Variants in TTC34 observed in about 807,000 individuals in gnomAD.
TTC34 encodes tetratricopeptide repeat domain 34, also known as tetratricopeptide repeat protein 34.
A neutral mutation model predicts 40.7 loss-of-function variants in TTC34; 44 were observed. The observed-to-expected ratio is 1.08, with a 90% confidence interval of 0.85 to 1.39. TTC34 has a LOEUF of 1.39. Among genes scored for constraint, TTC34 ranks in the 40% most tolerant of loss-of-function variants. The probability of loss-of-function intolerance (pLI) is 0.00; values close to 1 mark genes in which losing one functional copy is unlikely to be tolerated. For missense variants in TTC34, 884 were observed against 838.0 expected, an observed-to-expected ratio of 1.05 and a Z score of -0.68; for synonymous variants, 422 against 398.6, an observed-to-expected ratio of 1.06 and a Z score of -0.70.
chr1:2,790,221 G>C, exon 3 of TTC34: 1 of 398,418 alleles, frequency 2.5e-6, no homozygotes, highest in East Asian at 3.6e-5. Flanking sequence ...GCCTGGAACT[G>C]CCTCCGCGCC....
At chr1:2,686,653 C>A (rs1317773108) in intron 6 of TTC34, among the ~76,000 whole-genome samples, 10 of 139,694 alleles carry the variant, frequency 7.2e-5, no homozygotes, top group South Asian at 2.3e-4. Flanking sequence ...CCCAGGTGAG[C>A]ATCTGACAGC....
At chr1:2,660,808 G>A (rs1216814266) in intron 6 of TTC34, among the ~76,000 whole-genome samples, 1 of 127,086 alleles carries the variant, frequency 7.9e-6, no homozygotes, top group Non-Finnish European at 1.6e-5. Context: ...GTGAGCATCT[G>A]ACAGCCTGGA....
intron 6 of TTC34, among the ~76,000 whole-genome samples, chr1:2,651,951 C>G (rs552732541): frequency 5.9e-5 from 9 of 152,192 alleles, no homozygotes; most frequent in African/African-American, 1.9e-4. Context: ...CAGCCTGAAG[C>G]AGCACCTTCC....
At chr1:2,651,429 C>A (rs1040497581) in intron 6 of TTC34, among the ~76,000 whole-genome samples, 1 of 151,998 alleles carries the variant, frequency 6.6e-6, no homozygotes, top group Admixed American at 6.5e-5. Flanking sequence ...CGAAACACAA[C>A]CCCACACACG....
At chr1:2,653,191 G>A (rs71518241) in intron 6 of TTC34, among the ~76,000 whole-genome samples, 1 of 152,036 alleles carries the variant, frequency 6.6e-6, no homozygotes, top group Admixed American at 6.5e-5. Context: ...CTGACAGCCT[G>A]GAACAGAACC....
At chr1:2,798,865 C>G (rs1643740675) in intron 2 of TTC34, among the ~76,000 whole-genome samples, 2 of 130,504 alleles carry the variant, frequency 1.5e-5, no homozygotes, top group Non-Finnish European at 3.2e-5. Flanking sequence ...CTCCCAGCCT[C>G]TCAGCCTCCA....
intron 6 of TTC34, among the ~76,000 whole-genome samples, chr1:2,687,898 C>A (rs1046640945): frequency 9.9e-5 from 15 of 151,652 alleles, no homozygotes; most frequent in African/African-American, 3.7e-4. Context: ...CCCAGGTGAG[C>A]ATCTGACAGA....
intron 1 of TTC34, among the ~76,000 whole-genome samples, 156 bp from the exon 2 acceptor site, chr1:2,801,024 G>A (rs1470288327): frequency 2.5e-4 from 38 of 152,160 alleles, no homozygotes; most frequent in Admixed American, 2.5e-3. Context: ...TCCTGGGCTG[G>A]TGGGGTGGGG....
In TTC34 at chr1:2,789,497, C is replaced by A. The variant is rs1014618452; in HGVS notation, c.1628+6G>T. On this transcript the variant is annotated splice_donor_region_variant and intron_variant, in intron 3 of 8. Coordinates refer to ENST00000401095, the Ensembl canonical transcript of TTC34. ...GCGGCCCCAGCGTGCCCGGGCGGGTCCTCACCCCTCCTGCGTGGTGGGGCC... is the reference window on the plus strand; with the variant it reads ...GCGGCCCCAGCGTGCCCGGGCGGGTACTCACCCCTCCTGCGTGGTGGGGCC... 5 of 1,507,118 alleles carry A rather than the reference C, an allele frequency of 3.3e-6. No individual in the cohort carries two copies. In the African/African-American group the frequency reaches 7.1e-5, roughly 21 times the overall value. 93.4% of individuals were successfully genotyped at this position (1,507,118 alleles called of 1,614,324 possible). A position where few individuals can be genotyped will look rare whatever the true frequency, so the allele number is the denominator to read the frequency against.
chr1:2,768,277 A>C (rs1435017859), intron 6 of TTC34, among the ~76,000 whole-genome samples: 3 of 152,066 alleles, frequency 2.0e-5, no homozygotes, highest in Non-Finnish European at 4.4e-5. Context: ...CTGGGGATGG[A>C]AGGTGCCATT....
rs1277463278 is a variant in TTC34 at position 2,749,941 on chromosome 1, G to C, written c.2226+33668C>G. Among the ~76,000 whole-genome samples, 44 of 82,760 alleles carry C rather than the reference G, an allele frequency of 5.3e-4. 5 individuals carry two copies. Among genetic ancestry groups the C allele is most frequent in the Middle Eastern group, 0.011 (1 of 90 alleles). The allele number at this position is 82,760 out of a possible 152,430, so 54.3% of individuals were successfully genotyped here. Reference sequence around the variant, plus strand: ...CACCCACAACCCCAGGCGAGCATCTGACGGCCTGGAACAGCACACACACCG... The same window carrying C: ...CACCCACAACCCCAGGCGAGCATCTCACGGCCTGGAACAGCACACACACCG... On this transcript the variant is annotated intron_variant, in intron 6 of 8. Transcript: ENST00000401095.
chr1:2,677,646 C>CT (rs1639958690), intron 6 of TTC34, among the ~76,000 whole-genome samples: 5 of 17,892 alleles, frequency 2.8e-4, no homozygotes, highest in Non-Finnish European at 5.0e-4. Context: ...GAACAGCACA[C>CT]ACACCCCCAG....
rs1029663690 is a variant in TTC34, at chr1:2,645,793, T to C, written c.2227-230A>G. On this transcript the variant is annotated intron_variant, in intron 6 of 8. Transcript: ENST00000401095. This position sits in a 1 kb window ranked among gnomAD's most constrained non-coding sequence, Gnocchi z 4.7. ...TTTGAGGGGACTCAGCTCACTGACC[T>C]TGACTCTGAAAGTTGTCAGGCTCAG... Among the ~76,000 whole-genome samples, 2 of 152,180 alleles carry C rather than the reference T, an allele frequency of 1.3e-5. No homozygotes were observed. Among genetic ancestry groups the C allele is most frequent in the African/African-American group, 4.8e-5 (2 of 41,438 alleles).
rs371840689 is a variant in TTC34 at position 2,781,430 on chromosome 1, T to G, written c.2226+2179A>C. ...ATTTATTAGTTCTAACAATTTTTTTTTGTGTGTGGAATCTTTAGGGATTTC... is the reference window on the plus strand; with the variant it reads ...ATTTATTAGTTCTAACAATTTTTTTGTGTGTGTGGAATCTTTAGGGATTTC... On this transcript the variant is annotated intron_variant, in intron 6 of 8. Coordinates refer to ENST00000401095, the Ensembl canonical transcript of TTC34. Among the ~76,000 whole-genome samples the G allele has an allele frequency of 2.2e-3, 331 of 152,342 alleles. 2 individuals carry two copies. Among genetic ancestry groups the G allele is most frequent in the South Asian group, 3.1e-3 (15 of 4,832 alleles).
At chr1:2,780,874 T>C (rs1643471914) in intron 6 of TTC34, among the ~76,000 whole-genome samples, 1 of 152,232 alleles carries the variant, frequency 6.6e-6, no homozygotes, top group South Asian at 2.1e-4. Flanking sequence ...CAACATGAAG[T>C]CTTCTAATAC....
intron 6 of TTC34, among the ~76,000 whole-genome samples, chr1:2,773,209 C>A (rs1290530140): frequency 7.7e-6 from 1 of 129,736 alleles, no homozygotes; most frequent in Non-Finnish European, 1.7e-5. Context: ...CCTGGAGCAG[C>A]GCCCACACCC....
At chr1:2,750,882 C>G (rs1486631477) in intron 6 of TTC34, among the ~76,000 whole-genome samples, 2 of 118,970 alleles carry the variant, frequency 1.7e-5, no homozygotes, top group Non-Finnish European at 3.4e-5. Context: ...GAGCAGCACC[C>G]AAACCCCCAG....
chr1:2,751,165 C>G (rs1265815944), intron 6 of TTC34, among the ~76,000 whole-genome samples: 1 of 43,954 alleles, frequency 2.3e-5, no homozygotes, highest in Non-Finnish European at 4.2e-5. Context: ...GCAGCACGCA[C>G]ATCCCCAGGC....
chr1:2,783,246 G>A (rs977549190), intron 6 of TTC34, among the ~76,000 whole-genome samples: 6 of 152,166 alleles, frequency 3.9e-5, no homozygotes, highest in Non-Finnish European at 8.8e-5. Context: ...AACACCGGGG[G>A]CCAGGCAGCC....
Sources: allele counts gnomAD v4.1 joint callset (sites outside exome capture counted in the v4.1 genomes callset), GRCh38; gene constraint gnomAD v4.1.1; non-coding constraint Gnocchi (gnomAD v3.1); transcripts MANE v1.5; gene names NCBI Gene and HGNC (gene_info 2026-07-23, HGNC 2026-07-21).